DDX60: variants seen among roughly 807,000 people sequenced by gnomAD.
DDX60 encodes the protein DExD/H-box helicase 60.
A neutral mutation model predicts 212.8 loss-of-function variants in DDX60; 165 were observed. That is an observed-to-expected ratio of 0.78 (90% CI 0.68 to 0.88). DDX60 has a LOEUF of 0.88. Among genes scored for constraint, DDX60 ranks in the 40% least tolerant of loss-of-function variants. The pLI is 0.00. For synonymous variants in DDX60, 703 were observed against 685.3 expected (o/e 1.03, Z -0.40); for missense variants, 1,905 against 2,003.9 (o/e 0.95, Z 0.94).
intron 33 of DDX60, among the ~76,000 whole-genome samples, chr4:168,225,885 C>G (rs1221847814): frequency 6.6e-6 from 1 of 151,904 alleles, no homozygotes; most frequent in Non-Finnish European, 1.5e-5. Flanking sequence ...AAACAAATAC[C>G]TTACTCATTA....
chr4:168,261,681 C>T (rs1256053849), intron 24 of DDX60, among the ~76,000 whole-genome samples: 4 of 152,288 alleles, frequency 2.6e-5, no homozygotes, highest in Middle Eastern at 3.4e-3. Context: ...GAGACTGTTA[C>T]TGTGAGTTCA....
At chr4:168,310,080 C>T (rs1468108388) in intron 3 of DDX60, among the ~76,000 whole-genome samples, 1 of 152,126 alleles carries the variant, frequency 6.6e-6, no homozygotes, top group Non-Finnish European at 1.5e-5. Flanking sequence ...ATACTTTGTC[C>T]CTGAAATCAG....
intron 26 of DDX60, 64 bp downstream of exon 26, chr4:168,255,647 T>A: frequency 1.1e-5 from 15 of 1,358,934 alleles, no homozygotes; most frequent in Non-Finnish European, 1.5e-5. Flanking sequence ...AATTTACGTT[T>A]CCTACTAGGA....
rs1187192569 is a variant in DDX60, at chr4:168,236,310, C to T, written c.4475G>A (p.Gly1492Glu). 1 of 1,610,948 alleles carries T rather than the reference C, an allele frequency of 6.2e-7. No individual in the cohort carries two copies. The highest frequency in any genetic ancestry group is 2.2e-5 in the East Asian group (1 of 44,588). The change falls in exon 33 of 38, where the codon GGA (glycine) becomes GAA (glutamate). Residue 1492 changes from glycine (G) to glutamate (E), a missense_variant. Transcript: ENST00000393743. ...KLVLVLAHLF[G>E]RRYFPPKFQD... ...GAACTTTGGTGGAAAATATCTTCTT[C>T]CAAAGAGATGTGCCAATACTAATAC...
chr4:168,221,112 G>T (rs1578962460), intron 36 of DDX60, among the ~76,000 whole-genome samples: 1 of 152,098 alleles, frequency 6.6e-6, no homozygotes, highest in Non-Finnish European at 1.5e-5. Flanking sequence ...CATCTTTGAA[G>T]AGTGTCAGAT....
At chr4:168,218,707 G>A (rs1372659719) in intron 37 of DDX60, among the ~76,000 whole-genome samples, 1 of 152,034 alleles carries the variant, frequency 6.6e-6, no homozygotes, top group African/African-American at 2.4e-5. Flanking sequence ...CCCCATCTCT[G>A]TCAAATGCCC....
chr4:168,250,679 C>T (rs1359760153), intron 28 of DDX60, among the ~76,000 whole-genome samples: 1 of 139,160 alleles, frequency 7.2e-6, no homozygotes, highest in Non-Finnish European at 1.5e-5. Context: ...GCACCTGCCA[C>T]CACGCCCGGC....
At chr4:168,250,838 A>T (rs1578999750) in intron 28 of DDX60, 116 bp downstream of exon 28, 1 of 901,132 alleles carries the variant, frequency 1.1e-6, no homozygotes, top group African/African-American at 1.7e-5. Flanking sequence ...TTATTTTTTT[A>T]AAAGACAATT....
intron 1 of DDX60, among the ~76,000 whole-genome samples, chr4:168,317,178 C>G (rs1353065000): frequency 6.6e-6 from 1 of 151,408 alleles, no homozygotes; most frequent in African/African-American, 2.4e-5. Flanking sequence ...TTAAATGACA[C>G]CACAGGGATT....
chr4:168,304,798 AATT>A (rs1736805276), intron 5 of DDX60, among the ~76,000 whole-genome samples: 1 of 152,184 alleles, frequency 6.6e-6, no homozygotes, highest in Non-Finnish European at 1.5e-5. Flanking sequence ...CAAAATAAAA[AATT>A]ACAGTAAGCT....
intron 3 of DDX60, among the ~76,000 whole-genome samples, chr4:168,310,394 C>G (rs1304828042): frequency 6.6e-6 from 1 of 152,122 alleles, no homozygotes; most frequent in African/African-American, 2.4e-5. Flanking sequence ...ATGATCCACT[C>G]CCACTTAATA....
At chr4:168,317,689 T>G (rs967107775) in intron 1 of DDX60, among the ~76,000 whole-genome samples, 1 of 152,152 alleles carries the variant, frequency 6.6e-6, no homozygotes, top group Non-Finnish European at 1.5e-5. Flanking sequence ...TTCGGTTATA[T>G]TATGTAAGAC....
intron 13 of DDX60, 82 bp from the exon 14 acceptor site, chr4:168,280,672 G>A: frequency 7.0e-7 from 1 of 1,431,392 alleles, no homozygotes; most frequent in Non-Finnish European, 9.3e-7. Context: ...AATATTATGG[G>A]TGTATTGAAG....
At chr4:168,277,207 T>C (rs1438859473) in intron 14 of DDX60, among the ~76,000 whole-genome samples, 3 of 152,200 alleles carry the variant, frequency 2.0e-5, no homozygotes, top group South Asian at 2.1e-4. Context: ...AATTATAAAG[T>C]AGAGCACATG....
upstream of DDX60, among the ~76,000 whole-genome samples, chr4:168,323,786 T>C (rs767048411): frequency 6.6e-6 from 1 of 152,166 alleles, no homozygotes; most frequent in Non-Finnish European, 1.5e-5. Flanking sequence ...CCCAAGATTA[T>C]GTAACAGTGG....
intron 1 of DDX60, among the ~76,000 whole-genome samples, chr4:168,312,933 G>GT (rs1263092735): frequency 6.6e-6 from 1 of 152,140 alleles, no homozygotes; most frequent in Non-Finnish European, 1.5e-5. Flanking sequence ...AGACACGAGC[G>GT]TAAGTATGGT....
In DDX60 at chr4:168,286,231, C is replaced by T. The variant is rs561224357; in HGVS notation, c.1340-733G>A. On this transcript the variant is annotated intron_variant, in intron 10 of 37. Coordinates refer to ENST00000393743, the MANE Select transcript of DDX60 (RefSeq NM_017631.6). ...CCTTATTATAAGACAAAGATTTTGA[C>T]GATGGAAGCCTCAGAGATTATATAT... Among the ~76,000 whole-genome samples the T allele has an allele frequency of 1.5e-4, 23 of 151,330 alleles. 1 individual carries two copies. The highest frequency in any genetic ancestry group is 1.3e-3 in the South Asian group (6 of 4,798).
intron 22 of DDX60, 65 bp from the exon 23 acceptor site, chr4:168,262,852 A>G: frequency 2.7e-6 from 3 of 1,122,892 alleles, no homozygotes; most frequent in African/African-American, 1.6e-5. Flanking sequence ...TTTGCCTCTT[A>G]GTCACTATCA....
Position 168,292,558 on chromosome 4 carries a change from C to T in DDX60, c.883-652G>A, listed in dbSNP as rs1579061371. On this transcript the variant is annotated intron_variant, in intron 7 of 37. Transcript: ENST00000393743. ...AAAGTCGTAATTTCACAGGACTCTA[C>T]GCTGATGGAGCCACACATTAAATGC... Among the ~76,000 whole-genome samples the T allele has an allele frequency of 3.9e-5, 6 of 152,168 alleles. No individual in the cohort carries two copies. The South Asian group carries it at 8.3e-4, about 21-fold the overall frequency.
Sources: allele counts gnomAD v4.1 joint callset (sites outside exome capture counted in the v4.1 genomes callset), GRCh38; gene constraint gnomAD v4.1.1; transcripts MANE v1.5; gene names NCBI Gene and HGNC (gene_info 2026-07-23, HGNC 2026-07-21).